The following MADD variants were observed in gnomAD, a reference collection of about 807,000 sequenced individuals.
MADD encodes MAP kinase activating death domain.
MADD carries 109 observed loss-of-function variants against 176.7 expected under a neutral mutation model. The ratio of observed to expected loss-of-function variants is 0.62; its 90% confidence interval spans 0.53 to 0.72. MADD has a LOEUF of 0.72. MADD is among the 30% of genes least tolerant of loss of function. The probability of loss-of-function intolerance (pLI) is 0.00; values close to 1 mark genes in which losing one functional copy is unlikely to be tolerated. For missense variants in MADD, 1,914 were observed against 2,045.5 expected (o/e 0.94, Z 1.24); for synonymous variants, 771 against 771.3 (o/e 1.00, Z 0.01).
intron 1 of MADD, chr11:47,272,089 G>C (rs1964957809): frequency 6.6e-6 from 1 of 152,272 alleles, no homozygotes; most frequent in African/African-American, 2.4e-5. Context: ...ATTCTTAGCA[G>C]GTACTGTCAG....
intron 15 of MADD, 145 bp downstream of exon 16, chr11:47,289,172 C>T (rs549645430): frequency 5.2e-5 from 47 of 906,226 alleles, no homozygotes; most frequent in Middle Eastern, 7.0e-4. Context: ...CATGCTTGCC[C>T]ATGGGGCTTG....
At chr11:47,279,582 T>A (rs1431356124) in intron 7 of MADD, among the ~76,000 whole-genome samples, 1 of 151,802 alleles carries the variant, frequency 6.6e-6, no homozygotes, top group East Asian at 2.0e-4. Context: ...GGTTTTGCCA[T>A]GTTAGCCAGG....
At chr11:47,327,241 C>T (rs2095545245) in intron 31 of MADD, 1 of 996,208 alleles carries the variant, frequency 1.0e-6, no homozygotes, top group African/African-American at 1.7e-5. Context: ...GCCTCTGTGC[C>T]AGACAAAGGG....
intron 25 of MADD, among the ~76,000 whole-genome samples, chr11:47,310,980 A>G (rs150282096): frequency 1.1e-4 from 17 of 151,960 alleles, no homozygotes; most frequent in Admixed American, 6.6e-4. Context: ...AGAATTTTCT[A>G]TAGTTATAAA....
chr11:47,322,861 C>T (rs1270552101), intron 27 of MADD, among the ~76,000 whole-genome samples: 2 of 152,148 alleles, frequency 1.3e-5, no homozygotes, highest in African/African-American at 4.8e-5. Flanking sequence ...TTGTGTTTGT[C>T]AACAAAGATG....
At chr11:47,298,370 T>C (rs1323924167) in intron 22 of MADD, among the ~76,000 whole-genome samples, 2 of 152,242 alleles carry the variant, frequency 1.3e-5, no homozygotes, top group African/African-American at 2.4e-5. Flanking sequence ...ATAGCAACCA[T>C]CAGTTTCTCA....
intron 16 of MADD, 105 bp from the exon 18 acceptor site, chr11:47,289,762 G>A: frequency 7.7e-7 from 1 of 1,298,930 alleles, no homozygotes; most frequent in Admixed American, 2.0e-5. Context: ...TCAGAGACAT[G>A]GCTTTGTGTT....
At chr11:47,295,470 C>A (rs770959308) in intron 20 of MADD, 26 bp from the exon 23 acceptor site, 1 of 1,574,324 alleles carries the variant, frequency 6.4e-7, no homozygotes, top group South Asian at 1.1e-5. Context: ...GGACACCTCC[C>A]CTAATGTTCC....
chr11:47,309,615 A>G lies in MADD; in HGVS notation c.3978+3A>G. On this transcript the variant is annotated splice_donor_region_variant and intron_variant, in intron 25 of 32. Transcript: ENST00000402192. ...TCTCCTACATGCTGCTGATGAAGGT[A>G]ATGTCAATTTTGCTGTGTCCAGCTC... is the stretch of plus-strand genomic sequence containing the variant. 1 of 1,609,754 alleles carries G rather than the reference A, an allele frequency of 6.2e-7. No homozygotes were observed. Among genetic ancestry groups the G allele is most frequent in the Non-Finnish European group, 8.5e-7 (1 of 1,175,982 alleles).
rs1215676020 is a variant in MADD at position 47,323,715 on chromosome 11, GTA to G, written c.4244_4245del (p.Tyr1415Ter). On this transcript the variant is annotated frameshift_variant, in exon 28 of 33. Coordinates refer to ENST00000402192, the Ensembl canonical transcript of MADD. LOFTEE classifies it high-confidence loss of function. ...TGTTGCGTAGTAACATCGGAACAGT[GTA>G]TGAGCGCTGGTGGTACGAGAAGCTC... The G allele has an allele frequency of 6.2e-7, 1 of 1,614,116 alleles. No homozygotes were observed. The highest frequency in any genetic ancestry group is 1.7e-5 in the Admixed American group (1 of 60,020).
intron 15 of MADD, among the ~76,000 whole-genome samples, 174 bp from the exon 16 acceptor site, chr11:47,288,794 C>G (rs557879012): frequency 6.6e-6 from 1 of 152,278 alleles, no homozygotes; most frequent in Admixed American, 6.5e-5. Context: ...TTCTTAGAGC[C>G]TTGGTTGTCT....
rs914501691 is a variant in MADD, at chr11:47,328,064, A to G, written c.4613-594A>G. ...CCAGAGCCCTCAGACGCTCTCCCTC[A>G]CACAGGCAGGTCTGGGCTTCTCCTG... On this transcript the variant is annotated intron_variant, in intron 31 of 32. Coordinates refer to ENST00000402192, the Ensembl canonical transcript of MADD. 1.9e-5 allele frequency: 19 copies of G among 993,454 alleles called. No homozygotes were observed. In the African/African-American group the frequency reaches 3.3e-4, roughly 17 times the overall value. 61.5% of individuals were successfully genotyped at this position (993,454 alleles called of 1,614,324 possible).
exon 3 of MADD, chr11:47,274,659 G>A: frequency 1.2e-6 from 2 of 1,614,214 alleles, no homozygotes; most frequent in Non-Finnish European, 1.7e-6. Context: ...CAGATGTAGT[G>A]TTCTTCTGCC....
intron 22 of MADD, among the ~76,000 whole-genome samples, chr11:47,296,881 C>A (rs1052590121): frequency 6.7e-6 from 1 of 149,720 alleles, no homozygotes; most frequent in Admixed American, 6.7e-5. Context: ...CTCAAGTGAT[C>A]CTCCCACCTC....
exon 24 of MADD, chr11:47,309,396 C>T (rs143054691): frequency 1.1e-4 from 175 of 1,613,984 alleles, no homozygotes; most frequent in Non-Finnish European, 1.4e-4. Context: ...AGGAAATGAT[C>T]GACAGGTATG....
chr11:47,293,890 A>G, exon 20 of MADD: 1 of 1,612,830 alleles, frequency 6.2e-7, no homozygotes, highest in South Asian at 1.1e-5. Context: ...CAGGGCCTGA[A>G]GTAATCAAAC....
At chr11:47,290,906 T>C (rs1057511921) in intron 19 of MADD, 90 bp downstream of exon 20, 3 of 1,073,626 alleles carry the variant, frequency 2.8e-6, no homozygotes, top group Non-Finnish European at 4.0e-6. Context: ...TGCCTTTCTC[T>C]GCCCCATGCT....
At position 47,284,359 on chromosome 11, in the gene MADD, C is replaced by T. The variant is rs780776918; in HGVS notation, c.1967-16C>T. 1.2e-6 allele frequency: 2 copies of T among 1,614,076 alleles called. No individual in the cohort carries two copies. The highest frequency in any genetic ancestry group is 1.7e-6 in the Non-Finnish European group (2 of 1,179,976). On this transcript the variant is annotated splice_polypyrimidine_tract_variant and intron_variant, in intron 11 of 32. Transcript: ENST00000402192. ...GGATGGAGTGGTCTGTACCTGCCTC[C>T]CTTGGATTTTGGCAGATGTGGACCC...
chr11:47,289,334 G>T, intron 15 of MADD, 57 bp from the exon 17 acceptor site: 2 of 1,398,546 alleles, frequency 1.4e-6, no homozygotes, highest in Non-Finnish European at 2.0e-6. Flanking sequence ...GGCTGTGCTG[G>T]CATGAGCTCC....
Sources: allele counts gnomAD v4.1 joint callset (sites outside exome capture counted in the v4.1 genomes callset), GRCh38; gene constraint gnomAD v4.1.1; transcripts MANE v1.5; gene names NCBI Gene and HGNC (gene_info 2026-07-23, HGNC 2026-07-21).